Variants in TNR observed in about 807,000 individuals in gnomAD.
TNR encodes the protein tenascin-R.
A neutral mutation model predicts 150.4 loss-of-function variants in TNR; 45 were observed. The ratio of observed to expected loss-of-function variants is 0.30; its 90% CI spans 0.24 to 0.38. The LOEUF (loss-of-function observed/expected upper bound fraction) is 0.38. Ranked by LOEUF, TNR falls within the 10% of genes least tolerant of loss-of-function variation. The pLI, the probability that TNR is intolerant of heterozygous loss-of-function variation, is 1.00. For missense variants in TNR, 1,544 were observed against 1,759.1 expected (o/e 0.88, Z 2.19); for synonymous variants, 687 against 678.4 (o/e 1.01, Z -0.20).
chr1:175,597,690 G>A (rs757129263), intron 1 of TNR, among the ~76,000 whole-genome samples: 2 of 152,128 alleles, frequency 1.3e-5, no homozygotes, highest in African/African-American at 4.8e-5. Context: ...GCTGAGGGGT[G>A]TATTGGAAAT....
At chr1:175,486,279 C>T (rs963462871) in intron 2 of TNR, among the ~76,000 whole-genome samples, 7 of 152,024 alleles carry the variant, frequency 4.6e-5, no homozygotes, top group African/African-American at 1.7e-4. Context: ...TCCCTATCCC[C>T]CCACCCCTCG....
chr1:175,721,822 T>G (rs1667311030), intron 1 of TNR, among the ~76,000 whole-genome samples: 3 of 151,776 alleles, frequency 2.0e-5, no homozygotes, highest in African/African-American at 4.8e-5. Context: ...TCTCCCCCAA[T>G]TCTCAGATCC....
At chr1:175,660,952 A>C (rs1365864216) in intron 1 of TNR, among the ~76,000 whole-genome samples, 1 of 152,212 alleles carries the variant, frequency 6.6e-6, no homozygotes. Context: ...CAGGAATGGC[A>C]TTAATGTCTG....
intron 1 of TNR, among the ~76,000 whole-genome samples, chr1:175,541,221 T>G (rs898158861): frequency 1.3e-5 from 2 of 152,220 alleles, no homozygotes; most frequent in African/African-American, 4.8e-5. Context: ...CAAGTTGTGT[T>G]GCAGTTGCCA....
At chr1:175,658,442 AT>A (rs1665259316) in intron 1 of TNR, among the ~76,000 whole-genome samples, 1 of 152,146 alleles carries the variant, frequency 6.6e-6, no homozygotes, top group South Asian at 2.1e-4. Context: ...TCCAAGTGGT[AT>A]GCTGCTAAGG....
intron 2 of TNR, among the ~76,000 whole-genome samples, chr1:175,447,784 A>G (rs1045700793): frequency 6.6e-6 from 1 of 152,154 alleles, no homozygotes; most frequent in African/African-American, 2.4e-5. Context: ...GTGGTCAGGG[A>G]GATGTGTGGA....
At position 175,365,033 on chromosome 1, in the gene TNR, G is replaced by A. The variant is rs775119576; in HGVS notation, c.2564C>T (p.Pro855Leu). ...VAVHGTVTSE[P>L]IVGSITTGID... ...ACCTGTGGTGATGGAGCCCACAATG[G>A]GCTCAGAGGTCACTGTGCCATGGAC... The change falls in exon 12 of 23, where the codon CCC becomes CTC. Residue 855 changes from proline (P) to leucine (L), a missense_variant. By Grantham distance (98) the Pro-to-Leu change is moderately conservative. Transcript: ENST00000367674. 2 of 1,609,288 alleles carry A rather than the reference G, an allele frequency of 1.2e-6. No homozygotes were observed. The highest frequency in any genetic ancestry group is 2.2e-5 in the South Asian group (2 of 90,866).
chr1:175,582,621 G>A (rs769066133), intron 1 of TNR, among the ~76,000 whole-genome samples: 43 of 152,264 alleles, frequency 2.8e-4, no homozygotes, highest in Admixed American at 7.8e-4. Context: ...GAGCCAAGAG[G>A]CCTTTACCAT....
At chr1:175,716,308 T>C (rs565813605) in intron 1 of TNR, among the ~76,000 whole-genome samples, 1 of 152,344 alleles carries the variant, frequency 6.6e-6, no homozygotes, top group African/African-American at 2.4e-5. Flanking sequence ...TCCTGTCTGA[T>C]GGCCTAATAA....
At position 175,366,067 on chromosome 1, in the gene TNR, C is replaced by A; in HGVS notation, c.2125G>T (p.Ala709Ser). The A allele has an allele frequency of 6.2e-7, 1 of 1,613,934 alleles. No individual in the cohort carries two copies. The highest frequency in any genetic ancestry group is 8.5e-7 in the Non-Finnish European group (1 of 1,179,934). Residue 709 changes from alanine (A) to serine (S), a missense_variant, in exon 11 of 23, where the codon GCC (alanine) becomes TCC (serine). Coordinates refer to ENST00000367674, the MANE Select transcript of TNR (RefSeq NM_003285.3). ...ETSISLIWTK[A>S]SGPIDHYRIT... ...CGGTAGTGGTCAATGGGGCCACTGG[C>A]CTTGGTCCAGATGAGGGAGATGGAG...
rs138042490 is a variant in TNR, at chr1:175,509,747, A to T, written c.-64+18522T>A. On this transcript the variant is annotated intron_variant, in intron 2 of 22. Transcript: ENST00000367674. Reference sequence around the variant, plus strand: ...GTTAGCTTGAAAGTGCTGTATCTAAACTCTTTCTAACCAATAAAGAATGGA... The same window carrying T: ...GTTAGCTTGAAAGTGCTGTATCTAATCTCTTTCTAACCAATAAAGAATGGA... Among the ~76,000 whole-genome samples, 1,048 of 152,170 alleles carry T rather than the reference A, an allele frequency of 6.9e-3. 8 individuals carry two copies. Among genetic ancestry groups the T allele is most frequent in the African/African-American group, 0.023 (938 of 41,490 alleles).
At chr1:175,364,274 A>T (rs1468852379) in intron 12 of TNR, among the ~76,000 whole-genome samples, 2 of 151,770 alleles carry the variant, frequency 1.3e-5, no homozygotes, top group Admixed American at 6.6e-5. Context: ...ATTTCAGAGC[A>T]CAAGTCCAGA....
intron 1 of TNR, among the ~76,000 whole-genome samples, chr1:175,625,969 G>A (rs1014139450): frequency 2.5e-5 from 2 of 79,918 alleles, no homozygotes; most frequent in African/African-American, 1.6e-4. Context: ...GAGGGACCCG[G>A]GGGGGAGGTA....
intron 1 of TNR, among the ~76,000 whole-genome samples, chr1:175,543,884 G>A (rs1571585006): frequency 6.6e-6 from 1 of 152,046 alleles, no homozygotes; most frequent in East Asian, 1.9e-4. Flanking sequence ...CCCAGACTAG[G>A]TCTTGAAGGA....
intron 2 of TNR, among the ~76,000 whole-genome samples, chr1:175,436,545 G>A (rs1329826048): frequency 6.6e-6 from 1 of 152,138 alleles, no homozygotes; most frequent in Admixed American, 6.5e-5. Flanking sequence ...AACCTTAAAT[G>A]TAAATGGGCT....
intron 2 of TNR, among the ~76,000 whole-genome samples, chr1:175,459,708 G>A (rs1015816572): frequency 6.6e-6 from 1 of 152,182 alleles, no homozygotes; most frequent in Admixed American, 6.5e-5. Flanking sequence ...GCCTGAGAAA[G>A]TCTGGCAGAC....
chr1:175,610,295 C>A (rs928629740), intron 1 of TNR, among the ~76,000 whole-genome samples: 1 of 152,174 alleles, frequency 6.6e-6, no homozygotes, highest in East Asian at 1.9e-4. Context: ...TACGAAGAAC[C>A]ACTGTTACCC....
intron 2 of TNR, among the ~76,000 whole-genome samples, chr1:175,506,521 T>C (rs930818445): frequency 6.6e-6 from 1 of 152,092 alleles, no homozygotes; most frequent in Admixed American, 6.5e-5. Context: ...CTGACTGGCA[T>C]CCCTATAAGA....
At chr1:175,717,718 C>T (rs909218825) in intron 1 of TNR, among the ~76,000 whole-genome samples, 2 of 152,166 alleles carry the variant, frequency 1.3e-5, no homozygotes, top group Non-Finnish European at 2.9e-5. Flanking sequence ...TCCTAACTAC[C>T]CTAGTCAAAG....
Sources: gnomAD v4.1 joint callset for allele counts (sites outside exome capture counted in the v4.1 genomes callset) on GRCh38, gnomAD v4.1.1 for gene constraint, MANE v1.5 for transcripts, NCBI Gene and HGNC (gene_info 2026-07-23, HGNC 2026-07-21) for gene names.